WASHC2A: variants seen among roughly 807,000 people sequenced by gnomAD.
WASHC2A encodes WASH complex subunit 2A, also known as WASH complex subunit FAM21A.
A neutral mutation model predicts 140.3 loss-of-function variants in WASHC2A; 82 were observed. The observed-to-expected ratio is 0.58, with a 90% CI of 0.49 to 0.70. The LOEUF (loss-of-function observed/expected upper bound fraction) is 0.70, where lower values mean the gene tolerates loss of function less well. Ranked by LOEUF, WASHC2A falls within the 30% of genes least tolerant of loss-of-function variation. The pLI is 0.00. For missense variants in WASHC2A, 985 were observed against 1,521.8 expected, an observed-to-expected ratio of 0.65 and a Z score of 5.87; for synonymous variants, 340 against 560.8, an observed-to-expected ratio of 0.61 and a Z score of 5.56.
intron 16 of WASHC2A, among the ~76,000 whole-genome samples, chr10:50,099,601 A>C (rs1840860678): frequency 6.9e-6 from 1 of 144,400 alleles, no homozygotes; most frequent in South Asian, 2.3e-4. Context: ...TCCTCTTTCT[A>C]CAGTTTTGTC....
intron 8 of WASHC2A, 76 bp from the exon 9 acceptor site, chr10:50,090,700 A>G: frequency 1.5e-6 from 2 of 1,341,548 alleles, no homozygotes; most frequent in Non-Finnish European, 2.0e-6. Flanking sequence ...TCTTTGAAGG[A>G]GGAGCCTAAA....
At chr10:50,084,704 C>T (rs1283478948) in intron 6 of WASHC2A, among the ~76,000 whole-genome samples, 1 of 149,236 alleles carries the variant, frequency 6.7e-6, no homozygotes, top group African/African-American at 2.5e-5. Context: ...GCTGGGATTA[C>T]AAGCATGAGC....
At chr10:50,110,837 G>A (rs1290320973) in intron 20 of WASHC2A, among the ~76,000 whole-genome samples, 1 of 142,594 alleles carries the variant, frequency 7.0e-6, no homozygotes, top group African/African-American at 2.6e-5. Flanking sequence ...AGGTTGCAGT[G>A]AGCTGAGATG....
rs782812358 is a variant in WASHC2A at position 50,068,106 on chromosome 10, T to C, written c.5T>C (p.Met2Thr). The C allele has an allele frequency of 7.5e-6, 12 of 1,607,310 alleles. No individual in the cohort carries two copies. The African/African-American group carries it at 1.6e-4, about 22-fold the overall frequency. The change falls in exon 2 of 31, where the codon ATG becomes ACG. Residue 2 changes from methionine to threonine, a missense_variant and splice_region_variant. Transcript: ENST00000282633. ...CTCTTCTCGTTTTTTTCGCTGCAGA[T>C]GAACCGGACGACCCCCGACCAGGAG... The part of the protein sequence containing the change: M[M>T]NRTTPDQELA...
At chr10:50,116,407 C>T (rs1355476396) in intron 21 of WASHC2A, among the ~76,000 whole-genome samples, 4 of 93,634 alleles carry the variant, frequency 4.3e-5, no homozygotes, top group African/African-American at 1.3e-4. Context: ...CTCCGCCTCC[C>T]GGGTTCACGC....
chr10:50,083,295 C>T lies in WASHC2A; in HGVS notation c.529-777C>T, dbSNP rs575181931. 7.7e-5 allele frequency among the ~76,000 whole-genome samples: 9 copies of T among 116,908 alleles called. 3 individuals are homozygous for T. In the South Asian group the frequency reaches 2.3e-3, roughly 30 times the overall value. 76.7% of individuals were successfully genotyped at this position (116,908 alleles called of 152,430 possible). ...GATTACAGGCATGAGCCACTGTGCCCGGCCTAATCTATTTTTATATTAAAA... is the reference window on the plus strand; with the variant it reads ...GATTACAGGCATGAGCCACTGTGCCTGGCCTAATCTATTTTTATATTAAAA... On this transcript the variant is annotated intron_variant, in intron 5 of 30. Coordinates refer to ENST00000282633, the MANE Select transcript of WASHC2A (RefSeq NM_001005751.3).
chr10:50,098,305 C>A (rs1330953096), intron 16 of WASHC2A, among the ~76,000 whole-genome samples: 9 of 151,938 alleles, frequency 5.9e-5, no homozygotes, highest in Non-Finnish European at 1.2e-4. Context: ...AAAATTATCT[C>A]GCATATAGTT....
At chr10:50,070,947 G>A (rs1254734595) in intron 3 of WASHC2A, among the ~76,000 whole-genome samples, 1 of 86,970 alleles carries the variant, frequency 1.1e-5, no homozygotes, top group Admixed American at 1.5e-4. Flanking sequence ...CAGGAGAATC[G>A]CTTGAACCTG....
rs202167366 is a variant in WASHC2A at position 50,095,680 on chromosome 10, G to A, written c.1322G>A (p.Ser441Asn). The change falls in exon 15 of 31, where the codon AGC becomes AAC. Residue 441 changes from serine to asparagine, a missense_variant. By Grantham distance (46) the Ser-to-Asn change is conservative. Coordinates refer to ENST00000282633, the MANE Select transcript of WASHC2A (RefSeq NM_001005751.3). ...CCTGAGCAGCCCACTCCAAGGAAAA[G>A]CCCCTATGGTCCCCCTCCCACTGGC... ...QKPEQPTPRK[S>N]PYGPPPTGLF... is the part of the protein sequence containing the mutation. The A allele has an allele frequency of 4.3e-6, 7 of 1,611,454 alleles. No individual in the cohort carries two copies. The highest frequency in any genetic ancestry group is 1.3e-5 in the African/African-American group (1 of 74,690).
At chr10:50,127,878 C>T (rs1266404993) in intron 28 of WASHC2A, 83 bp downstream of exon 28, 5 of 1,199,050 alleles carry the variant, frequency 4.2e-6, no homozygotes, top group African/African-American at 1.5e-5. Flanking sequence ...CAGTTGCATA[C>T]ACAGCAGTCT....
chr10:50,084,136 A>T lies in WASHC2A; in HGVS notation c.593A>T (p.Asp198Val), dbSNP rs1839181519. The T allele has an allele frequency of 1.2e-6, 2 of 1,611,686 alleles. No individual in the cohort carries two copies. The highest frequency in any genetic ancestry group is 1.7e-6 in the Non-Finnish European group (2 of 1,179,844). The change falls in exon 6 of 31, where the codon GAT (aspartate) becomes GTT (valine). Residue 198 changes from aspartate (D) to valine (V), a missense_variant. Asp to Val is a radical substitution (Grantham distance 152). Coordinates refer to ENST00000282633, the MANE Select transcript of WASHC2A (RefSeq NM_001005751.3). ...IGSKLFMEQEDVGLGELSSEE... is the reference protein window; with the variant it reads ...IGSKLFMEQEVVGLGELSSEE... ...TCAAAGCTGTTCATGGAACAAGAAG[A>T]TGTAGGTCTTGGAGAGCTGTCCAGT...
chr10:50,114,488 A>AC (rs1293442356), intron 21 of WASHC2A, among the ~76,000 whole-genome samples: 1 of 135,650 alleles, frequency 7.4e-6, no homozygotes, highest in Non-Finnish European at 1.6e-5. Flanking sequence ...GGTAAAAAAA[A>AC]CCCAGGGTGG....
chr10:50,088,530 G>C (rs1183334212), intron 8 of WASHC2A, among the ~76,000 whole-genome samples: 1 of 151,860 alleles, frequency 6.6e-6, no homozygotes, highest in African/African-American at 2.4e-5. Context: ...AGAGTACTGG[G>C]ATTACAGGTA....
chr10:50,100,461 G>A (rs1277578587), intron 17 of WASHC2A, among the ~76,000 whole-genome samples: 33 of 152,202 alleles, frequency 2.2e-4, no homozygotes, highest in Admixed American at 1.8e-3. Context: ...CAGTCTGGGC[G>A]ACAGAGCGAG....
At chr10:50,102,405 C>T (rs1333270497) in intron 17 of WASHC2A, among the ~76,000 whole-genome samples, 4 of 152,082 alleles carry the variant, frequency 2.6e-5, no homozygotes, top group Admixed American at 6.5e-5. Flanking sequence ...GTTAAGGGTC[C>T]GAAACTGTGA....
At chr10:50,101,655 T>TA in intron 17 of WASHC2A, among the ~76,000 whole-genome samples, 1 of 152,400 alleles carries the variant, frequency 6.6e-6, no homozygotes, top group East Asian at 1.9e-4. Context: ...TTCAGTGACT[T>TA]ACGAGATGTT....
At position 50,106,355 on chromosome 10, in the gene WASHC2A, G is replaced by A. The variant is rs1554888542; in HGVS notation, c.1759G>A (p.Ala587Thr). 1 of 1,611,764 alleles carries A rather than the reference G, an allele frequency of 6.2e-7. No homozygotes were observed. The highest frequency in any genetic ancestry group is 8.5e-7 in the Non-Finnish European group (1 of 1,179,852). The change falls in exon 19 of 31, where the codon GCT becomes ACT. Residue 587 changes from alanine to threonine, a missense_variant. Ala to Thr is a moderately conservative substitution (Grantham distance 58). Transcript: ENST00000282633. ...DEEDNLFGGT[A>T]AKKQTLCLQA... ...CTAGGATAATCTTTTTGGGGGTACA[G>A]CTGCTAAGAAGCAGACATTGTGTCT... is the stretch of plus-strand genomic sequence containing the variant.
At position 50,074,719 on chromosome 10, in the gene WASHC2A, C is replaced by T. The variant is rs147945884; in HGVS notation, c.292-3956C>T. On this transcript the variant is annotated intron_variant, in intron 3 of 30. Transcript: ENST00000282633. Reference sequence around the variant, plus strand: ...CACGAGGTCAGGAGATTGAGACCATCCTGACTAACACGGTGAAGCTCCGTC... The same window carrying T: ...CACGAGGTCAGGAGATTGAGACCATTCTGACTAACACGGTGAAGCTCCGTC... Among the ~76,000 whole-genome samples the T allele has an allele frequency of 1.5e-4, 23 of 152,232 alleles. No homozygotes were observed. In the East Asian group the frequency reaches 3.7e-3, roughly 24 times the overall value.
In WASHC2A at chr10:50,091,549, G is replaced by A. The variant is rs1190897876; in HGVS notation, c.931+31G>A. The A allele has an allele frequency of 8.3e-4, 1,282 of 1,549,410 alleles. 8 individuals are homozygous for A. In the African/African-American group the frequency reaches 0.01, roughly 12 times the overall value. ...CCCCAGCCGCGTTGATGGGGAGTAG[G>A]GGGGGAGTAGTGCAGGGCCCTCTGC... On this transcript the variant is annotated intron_variant, in intron 10 of 30. Coordinates refer to ENST00000282633, the MANE Select transcript of WASHC2A (RefSeq NM_001005751.3).
Sources: gnomAD v4.1 joint callset for allele counts (sites outside exome capture counted in the v4.1 genomes callset) on GRCh38, gnomAD v4.1.1 for gene constraint, MANE v1.5 for transcripts, NCBI Gene and HGNC (gene_info 2026-07-23, HGNC 2026-07-21) for gene names.